Variants in DENND1A observed in about 807,000 individuals in gnomAD.
DENND1A encodes DENN domain containing 1A.
DENND1A carries 51 observed loss-of-function variants against 113.7 expected under a neutral mutation model. That is an observed-to-expected ratio of 0.45 (90% CI 0.36 to 0.57). The LOEUF is 0.57. DENND1A is among the 20% of genes least tolerant of loss of function. The probability of loss-of-function intolerance (pLI) is 0.00; values close to 1 mark genes in which losing one functional copy is unlikely to be tolerated. For synonymous variants in DENND1A, 565 were observed against 570.8 expected (o/e 0.99, Z 0.14); for missense variants, 1,258 against 1,395.9 (o/e 0.90, Z 1.57).
intron 4 of DENND1A, among the ~76,000 whole-genome samples, chr9:123,761,591 T>C (rs1554742168): frequency 6.6e-6 from 1 of 152,196 alleles, no homozygotes; most frequent in Non-Finnish European, 1.5e-5. Context: ...AAAAGATTCT[T>C]TTTGGGGTGC....
chr9:123,583,344 G>C, intron 11 of DENND1A, 74 bp from the exon 12 acceptor site: 2 of 1,098,638 alleles, frequency 1.8e-6, no homozygotes, highest in Admixed American at 3.9e-5. Flanking sequence ...GCCTTCTCTG[G>C]GGAAGAGGCA....
At position 123,818,559 on chromosome 9, in the gene DENND1A, CACACACACATAT is replaced by C. The variant is rs776583933; in HGVS notation, c.89-25941_89-25930del. 6.8e-4 allele frequency among the ~76,000 whole-genome samples: 84 copies of C among 123,580 alleles called. 1 individual carries two copies. Among genetic ancestry groups the C allele is most frequent in the East Asian group, 2.9e-3 (11 of 3,802 alleles). 81.1% of individuals were successfully genotyped at this position (123,580 alleles called of 152,430 possible). On this transcript the variant is annotated intron_variant, in intron 2 of 23. Transcript: ENST00000394215. ...ACACACACACACACACACACACACACACACACACATATATATATATATATAAAATGAGATCTT... is the reference window on the plus strand; with the variant it reads ...ACACACACACACACACACACACACACATATATATATATAAAATGAGATCTT...
At chr9:123,465,681 G>T (rs1160897401) in intron 13 of DENND1A, among the ~76,000 whole-genome samples, 1 of 152,310 alleles carries the variant, frequency 6.6e-6, no homozygotes, top group Middle Eastern at 3.4e-3. Flanking sequence ...AAATAAATAT[G>T]CAGGAAAAAA....
chr9:123,593,865 G>A (rs1030797943), intron 11 of DENND1A, among the ~76,000 whole-genome samples: 4 of 152,042 alleles, frequency 2.6e-5, no homozygotes, highest in South Asian at 2.1e-4. Flanking sequence ...TGACTGGATC[G>A]TGGGGGCTAA....
At chr9:123,698,191 A>C (rs1444230516) in intron 5 of DENND1A, among the ~76,000 whole-genome samples, 2 of 152,234 alleles carry the variant, frequency 1.3e-5, no homozygotes, top group South Asian at 4.1e-4. Flanking sequence ...AGGTGAGGAA[A>C]AGTCCAAAGA....
intron 8 of DENND1A, among the ~76,000 whole-genome samples, chr9:123,659,549 CAAGAAAAG>C (rs1647384209): frequency 6.6e-6 from 1 of 152,142 alleles, no homozygotes; most frequent in African/African-American, 2.4e-5. Context: ...CTGGGAGAGC[CAAGAAAAG>C]GAGAAAAAGA....
intron 18 of DENND1A, among the ~76,000 whole-genome samples, chr9:123,449,781 G>C (rs2047572048): frequency 6.6e-6 from 1 of 152,038 alleles, no homozygotes; most frequent in African/African-American, 2.4e-5. Flanking sequence ...CTCACAAGTG[G>C]GAACCAAGCT....
At chr9:123,914,397 C>T (rs185320918) in intron 1 of DENND1A, among the ~76,000 whole-genome samples, 2 of 151,536 alleles carry the variant, frequency 1.3e-5, no homozygotes, top group East Asian at 1.9e-4. Context: ...AAAAATTAGC[C>T]GAGCATGGTG....
intron 2 of DENND1A, among the ~76,000 whole-genome samples, chr9:123,818,376 T>C (rs1837862716): frequency 6.6e-6 from 1 of 152,054 alleles, no homozygotes; most frequent in South Asian, 2.1e-4. Flanking sequence ...AGTGCTGGGA[T>C]TACAGGCGTG....
intron 5 of DENND1A, among the ~76,000 whole-genome samples, chr9:123,711,590 C>T (rs1397456059): frequency 7.3e-6 from 1 of 137,888 alleles, no homozygotes; most frequent in Admixed American, 7.6e-5. Flanking sequence ...GACATCCTAC[C>T]TACTGCAAAC....
At chr9:123,590,782 T>C (rs1357250992) in intron 11 of DENND1A, among the ~76,000 whole-genome samples, 1 of 152,194 alleles carries the variant, frequency 6.6e-6, no homozygotes, top group African/African-American at 2.4e-5. Context: ...ATACTTTAAG[T>C]GGATGGGTTG....
At chr9:123,568,682 C>T (rs10818840) in intron 12 of DENND1A, among the ~76,000 whole-genome samples, 65,531 of 151,960 alleles carry the variant, frequency 0.43, 14,729 homozygotes, top group African/African-American at 0.56. Flanking sequence ...TGAATGGATA[C>T]AGATTTCCCT....
At position 123,383,754 on chromosome 9, in the gene DENND1A, G is replaced by T. The variant is rs1200090110; in HGVS notation, c.1920C>A (p.Asp640Glu). The change falls in exon 23 of 24, where the codon GAC becomes GAA. Residue 640 changes from aspartate to glutamate, a missense_variant. Asp to Glu is a conservative substitution (Grantham distance 45). Transcript: ENST00000394215. Reference protein sequence around the residue: ...DLLEDVFSNLDMEAALQPLGQ... With the variant: ...DLLEDVFSNLEMEAALQPLGQ... ...CCAGTGGCTGCAGTGCGGCCTCCAT[G>T]TCCAGGTTGCTGAAGACGTCTTCCA... 6.2e-7 allele frequency: 1 copy of T among 1,614,146 alleles called. No homozygotes were observed.
At chr9:123,543,402 G>C (rs1320891554) in intron 13 of DENND1A, among the ~76,000 whole-genome samples, 2 of 152,224 alleles carry the variant, frequency 1.3e-5, no homozygotes, top group Non-Finnish European at 2.9e-5. Flanking sequence ...TAGATGTAAA[G>C]TGTAACAATT....
intron 10 of DENND1A, among the ~76,000 whole-genome samples, chr9:123,625,545 A>C (rs1465833393): frequency 1.3e-5 from 2 of 152,204 alleles, no homozygotes; most frequent in African/African-American, 4.8e-5. Flanking sequence ...GGAGTTAGAG[A>C]CCAGCCTGGC....
chr9:123,652,251 T>C (rs1307637612), intron 8 of DENND1A, 128 bp from the exon 9 acceptor site: 1 of 824,260 alleles, frequency 1.2e-6, no homozygotes, highest in Non-Finnish European at 1.8e-6. Context: ...GTCCTTTTCT[T>C]TCTACCTGGG....
At chr9:123,433,215 A>C (rs1041720790) in intron 19 of DENND1A, among the ~76,000 whole-genome samples, 1 of 152,232 alleles carries the variant, frequency 6.6e-6, no homozygotes, top group African/African-American at 2.4e-5. Flanking sequence ...AATTTCACTG[A>C]GGCTAAGTAA....
chr9:123,899,977 T>A (rs541984309), intron 1 of DENND1A, among the ~76,000 whole-genome samples: 1 of 152,352 alleles, frequency 6.6e-6, no homozygotes, highest in South Asian at 2.1e-4. Flanking sequence ...TGTATTCTAG[T>A]CACAAGTGAG....
intron 13 of DENND1A, among the ~76,000 whole-genome samples, chr9:123,497,918 C>A (rs1485977596): frequency 2.6e-5 from 4 of 151,886 alleles, no homozygotes; most frequent in Admixed American, 2.6e-4. Flanking sequence ...ACAAAAGGAG[C>A]AGTTACTTCA....
Sources: gnomAD v4.1 joint callset for allele counts (sites outside exome capture counted in the v4.1 genomes callset) on GRCh38, gnomAD v4.1.1 for gene constraint, MANE v1.5 for transcripts, NCBI Gene and HGNC (gene_info 2026-07-23, HGNC 2026-07-21) for gene names.